The following DNAH3 variants were observed in gnomAD, a reference collection of about 807,000 sequenced individuals.
DNAH3 encodes the protein axonemal beta dynein heavy chain 3.
DNAH3 carries 332 observed loss-of-function variants against 432.5 expected under a neutral mutation model. That is an observed-to-expected ratio of 0.77 (90% CI 0.70 to 0.84). The LOEUF is 0.84. Among genes scored for constraint, DNAH3 ranks in the 40% least tolerant of loss-of-function variants. DNAH3 has a pLI of 0.00. For synonymous variants in DNAH3, 1,956 were observed against 1,900.2 expected, an observed-to-expected ratio of 1.03 and a Z score of -0.76; for missense variants, 4,861 against 5,114.0, an observed-to-expected ratio of 0.95 and a Z score of 1.51.
intron 24 of DNAH3, among the ~76,000 whole-genome samples, chr16:21,063,259 G>A (rs2090426372): frequency 1.3e-5 from 2 of 152,132 alleles, no homozygotes; most frequent in Admixed American, 1.3e-4. Context: ...ATCTGGGAGT[G>A]CGGCTGATGA....
intron 22 of DNAH3, among the ~76,000 whole-genome samples, chr16:21,070,235 C>T (rs1293921294): frequency 6.6e-6 from 1 of 152,208 alleles, no homozygotes; most frequent in Non-Finnish European, 1.5e-5. Context: ...ATGCCATATG[C>T]TTTCTTGGAT....
chr16:20,977,242 T>C (rs1320742977), intron 50 of DNAH3, among the ~76,000 whole-genome samples: 8 of 152,214 alleles, frequency 5.3e-5, no homozygotes, highest in African/African-American at 1.9e-4. Context: ...CCAGGCGCTG[T>C]GGCACGTGCC....
chr16:20,969,737 C>T lies in DNAH3; in HGVS notation c.8458+55G>A, dbSNP rs536760913. The T allele has an allele frequency of 3.4e-3, 5,310 of 1,574,812 alleles. 16 individuals are homozygous for T. The highest frequency in any genetic ancestry group is 3.9e-3 in the Non-Finnish European group (4,495 of 1,145,616). On this transcript the variant is annotated intron_variant, in intron 52 of 61. Transcript: ENST00000261383. ...CTTGGGGATGCAGTGGGTGCTGGCA[C>T]CCCACTGCCAGGAAAGAGCAGCCTG...
chr16:20,968,881 GTCTC>G (rs376444185), intron 52 of DNAH3, among the ~76,000 whole-genome samples: 2 of 149,664 alleles, frequency 1.3e-5, no homozygotes, highest in African/African-American at 5.0e-5. Flanking sequence ...TTCCCACTCT[GTCTC>G]TCTGTTTCTG....
chr16:20,935,323 T>C (rs780541579), intron 61 of DNAH3, 25 bp downstream of exon 61: 2 of 1,613,466 alleles, frequency 1.2e-6, no homozygotes, highest in Non-Finnish European at 8.5e-7. Context: ...GCCCCTTGAG[T>C]GAGCCTAACC....
intron 1 of DNAH3, among the ~76,000 whole-genome samples, chr16:21,156,622 G>T (rs1384618161): frequency 1.3e-5 from 2 of 152,096 alleles, no homozygotes; most frequent in Non-Finnish European, 2.9e-5. Flanking sequence ...TCACATTGGG[G>T]GTTAGGATTT....
chr16:21,106,881 A>ATT, intron 14 of DNAH3, among the ~76,000 whole-genome samples: 1 of 152,292 alleles, frequency 6.6e-6, no homozygotes, highest in South Asian at 2.1e-4. Flanking sequence ...TAGCAGTTGT[A>ATT]ATGATAATAA....
intron 31 of DNAH3, among the ~76,000 whole-genome samples, chr16:21,046,950 G>A (rs1445586379): frequency 6.6e-6 from 1 of 151,136 alleles, no homozygotes; most frequent in Non-Finnish European, 1.5e-5. Context: ...AGTTTGGCTG[G>A]ATATGAAATT....
At chr16:21,067,463 A>G in intron 23 of DNAH3, 44 bp from the exon 24 acceptor site, 1 of 1,607,312 alleles carries the variant, frequency 6.2e-7, no homozygotes, top group African/African-American at 1.3e-5. Context: ...AAGGTTCCCA[A>G]GTTCTGAGAT....
At chr16:21,078,371 T>C (rs1319440917) in intron 20 of DNAH3, among the ~76,000 whole-genome samples, 1 of 152,058 alleles carries the variant, frequency 6.6e-6, no homozygotes, top group African/African-American at 2.4e-5. Context: ...AACCCTCATT[T>C]AGCCTCTAGA....
At chr16:21,126,384 A>C (rs192712080) in intron 8 of DNAH3, among the ~76,000 whole-genome samples, 50 of 152,260 alleles carry the variant, frequency 3.3e-4, no homozygotes, top group African/African-American at 1.2e-3. Flanking sequence ...AGCAGCTATT[A>C]TGTGCCAATG....
At position 20,972,232 on chromosome 16, in the gene DNAH3, TTC is replaced by T. The variant is rs199706343; in HGVS notation, c.8260-2244_8260-2243del. Among the ~76,000 whole-genome samples, 893 of 150,012 alleles carry T rather than the reference TTC, an allele frequency of 6.0e-3. 7 individuals carry two copies. The highest frequency in any genetic ancestry group is 0.019 in the African/African-American group (750 of 39,848). On this transcript the variant is annotated intron_variant, in intron 51 of 61. Transcript: ENST00000261383. ...TTACTTGAAATCTCCTGATTTTTTT[TTC>T]TCTCTTTTTTTTTTTTTGAGATAAG...
At chr16:20,935,027 T>C (rs1341159791) in intron 61 of DNAH3, among the ~76,000 whole-genome samples, 2 of 152,164 alleles carry the variant, frequency 1.3e-5, no homozygotes, top group African/African-American at 4.8e-5. Context: ...AAGGACTACC[T>C]AAGGGCATTA....
At chr16:21,088,897 G>A (rs1449936578) in intron 18 of DNAH3, among the ~76,000 whole-genome samples, 1 of 152,308 alleles carries the variant, frequency 6.6e-6, no homozygotes, top group African/African-American at 2.4e-5. Context: ...AGGCAAAGAA[G>A]CAATGTGAGG....
intron 47 of DNAH3, 23 bp from the exon 48 acceptor site, chr16:20,985,738 C>T (rs757253797): frequency 3.0e-5 from 48 of 1,601,004 alleles, no homozygotes; most frequent in African/African-American, 6.7e-5. Flanking sequence ...TAAATCTCGG[C>T]GGGGCATTCA....
exon 6 of DNAH3, chr16:21,136,401 G>A (rs1204337703): frequency 4.3e-6 from 7 of 1,613,852 alleles, no homozygotes; most frequent in East Asian, 2.2e-5. Flanking sequence ...CTCCAGGAAG[G>A]GACTCGTCAG....
chr16:20,961,649 G>C (rs1253878275), intron 53 of DNAH3, among the ~76,000 whole-genome samples: 1 of 151,856 alleles, frequency 6.6e-6, no homozygotes, highest in Non-Finnish European at 1.5e-5. Context: ...CAGACATAGG[G>C]AGAAGATGAC....
exon 19 of DNAH3, chr16:21,087,055 G>A (rs1307838832): frequency 1.2e-6 from 2 of 1,613,366 alleles, no homozygotes; most frequent in East Asian, 2.2e-5. Flanking sequence ...AGTAAGAAGA[G>A]GGGTCCTGAA....
At chr16:21,089,858 T>C (rs1023394460) in intron 18 of DNAH3, among the ~76,000 whole-genome samples, 1 of 151,878 alleles carries the variant, frequency 6.6e-6, no homozygotes, top group Admixed American at 6.6e-5. Context: ...ATAAGAAAGA[T>C]TATTGAAACA....
Sources: allele counts gnomAD v4.1 joint callset (sites outside exome capture counted in the v4.1 genomes callset), GRCh38; gene constraint gnomAD v4.1.1; transcripts MANE v1.5; gene names NCBI Gene and HGNC (gene_info 2026-07-23, HGNC 2026-07-21).